The following ADAMTS12 variants were observed in gnomAD, a reference collection of about 807,000 sequenced individuals.
The protein encoded by ADAMTS12 is A disintegrin and metalloproteinase with thrombospondin motifs 12.
ADAMTS12 carries 118 observed loss-of-function variants against 167.8 expected under a neutral mutation model. The observed-to-expected ratio is 0.70, with a 90% CI of 0.61 to 0.82. The LOEUF (loss-of-function observed/expected upper bound fraction) is 0.82. Among genes scored for constraint, ADAMTS12 ranks in the 40% least tolerant of loss-of-function variants. ADAMTS12 has a pLI of 0.00. For synonymous variants in ADAMTS12, 704 were observed against 716.9 expected (o/e 0.98, Z 0.29); for missense variants, 1,916 against 1,998.8 (o/e 0.96, Z 0.79).
intron 22 of ADAMTS12, 134 bp downstream of exon 22, chr5:33,545,925 G>A: frequency 2.9e-6 from 3 of 1,025,636 alleles, no homozygotes; most frequent in Non-Finnish European, 4.1e-6. Flanking sequence ...ATGAGTTGAT[G>A]GGTGCAGCAA....
At chr5:33,557,155 G>A (rs1246831399) in intron 20 of ADAMTS12, among the ~76,000 whole-genome samples, 1 of 152,192 alleles carries the variant, frequency 6.6e-6, no homozygotes, top group Non-Finnish European at 1.5e-5. Flanking sequence ...GGATGCCTCA[G>A]GTATGATACC....
At chr5:33,660,166 C>T (rs1741203933) in intron 6 of ADAMTS12, among the ~76,000 whole-genome samples, 1 of 152,164 alleles carries the variant, frequency 6.6e-6, no homozygotes, top group South Asian at 2.1e-4. Context: ...AGGTTCAACA[C>T]ACTTTTATGC....
At chr5:33,724,681 A>T (rs1217462844) in intron 3 of ADAMTS12, among the ~76,000 whole-genome samples, 1 of 151,530 alleles carries the variant, frequency 6.6e-6, no homozygotes, top group African/African-American at 2.4e-5. Flanking sequence ...CCTCTTGAGT[A>T]GCTGGGATTA....
intron 2 of ADAMTS12, among the ~76,000 whole-genome samples, chr5:33,869,379 G>A (rs151247809): frequency 6.6e-6 from 1 of 152,240 alleles, no homozygotes; most frequent in African/African-American, 2.4e-5. Context: ...ATGCCTGGAT[G>A]TCCAAGCAGA....
At chr5:33,735,369 G>C (rs1413106058) in intron 3 of ADAMTS12, among the ~76,000 whole-genome samples, 4 of 152,132 alleles carry the variant, frequency 2.6e-5, no homozygotes, top group Non-Finnish European at 4.4e-5. Flanking sequence ...TCTAGACCAG[G>C]GATCAGCAAG....
intron 13 of ADAMTS12, among the ~76,000 whole-genome samples, chr5:33,630,428 A>G (rs1739864872): frequency 6.6e-6 from 1 of 152,208 alleles, no homozygotes; most frequent in Non-Finnish European, 1.5e-5. Flanking sequence ...TATGAAAAGT[A>G]CCATAGAAAC....
chr5:33,619,393 T>C (rs1478334436), intron 14 of ADAMTS12, among the ~76,000 whole-genome samples: 1 of 152,194 alleles, frequency 6.6e-6, no homozygotes, highest in Non-Finnish European at 1.5e-5. Flanking sequence ...AAAGTCCTTT[T>C]TAGCATTTTT....
chr5:33,576,884 T>C lies in ADAMTS12; in HGVS notation c.3142A>G (p.Ile1048Val). 1 of 1,614,200 alleles carries C rather than the reference T, an allele frequency of 6.2e-7. No homozygotes were observed. The highest frequency in any genetic ancestry group is 8.5e-7 in the Non-Finnish European group (1 of 1,180,024). Residue 1048 changes from isoleucine (I) to valine (V), a missense_variant, in exon 19 of 24, where the codon ATC becomes GTC. By Grantham distance (29) the Ile-to-Val change is conservative. Transcript: ENST00000504830. ...GCTGTGGTAGGACTAGGGCTGCTGA[T>C]TGCTGGAGTGCTTGTGCTCATAGAC... ...PESMSTSTPA[I>V]SSPSPTTASK...
intron 3 of ADAMTS12, among the ~76,000 whole-genome samples, chr5:33,707,982 A>G (rs1292427667): frequency 3.3e-5 from 5 of 152,204 alleles, no homozygotes; most frequent in African/African-American, 1.2e-4. Context: ...TGCACAGCAA[A>G]ATAAACTATC....
intron 2 of ADAMTS12, among the ~76,000 whole-genome samples, chr5:33,753,547 G>C (rs577269355): frequency 2.8e-4 from 43 of 152,216 alleles, no homozygotes; most frequent in African/African-American, 9.9e-4. Context: ...ATTGGACCTA[G>C]GGGCCCTTAG....
intron 7 of ADAMTS12, among the ~76,000 whole-genome samples, chr5:33,651,319 C>T (rs1579800793): frequency 6.6e-6 from 1 of 152,154 alleles, no homozygotes; most frequent in South Asian, 2.1e-4. Flanking sequence ...GCCATATAAT[C>T]TAGGGCCCTC....
chr5:33,881,311 C>T lies in ADAMTS12; in HGVS notation c.297G>A (p.Glu99=). 3 of 1,614,192 alleles carry T rather than the reference C, an allele frequency of 1.9e-6. No individual in the cohort carries two copies. Among genetic ancestry groups the T allele is most frequent in the Non-Finnish European group, 2.5e-6 (3 of 1,180,030 alleles). ...DWVYYRISHE[E]KDLFFNLTVN... ...CCGTCAAGTTAAAAAACAGGTCCTTCTCCTCGTGAGAAATTCTGTAGTACA... is the reference window on the plus strand; with the variant it reads ...CCGTCAAGTTAAAAAACAGGTCCTTTTCCTCGTGAGAAATTCTGTAGTACA... Residue 99 remains glutamate, a synonymous_variant, in exon 2 of 24, where the codon GAG becomes GAA. Coordinates refer to ENST00000504830, the MANE Select transcript of ADAMTS12 (RefSeq NM_030955.4).
At chr5:33,814,155 G>C (rs1261240515) in intron 2 of ADAMTS12, among the ~76,000 whole-genome samples, 1 of 152,074 alleles carries the variant, frequency 6.6e-6, no homozygotes, top group Non-Finnish European at 1.5e-5. Flanking sequence ...TTTAATGAAG[G>C]AATTGCTCCT....
intron 12 of ADAMTS12, among the ~76,000 whole-genome samples, chr5:33,632,097 G>T (rs549182475): frequency 1.1e-4 from 6 of 55,476 alleles, no homozygotes; most frequent in African/African-American, 1.4e-4. Context: ...TGAGACTGAG[G>T]TCAAAAACAT....
At chr5:33,611,697 A>G (rs1738737702) in intron 16 of ADAMTS12, among the ~76,000 whole-genome samples, 1 of 152,188 alleles carries the variant, frequency 6.6e-6, no homozygotes, top group African/African-American at 2.4e-5. Context: ...GAAGAACAGC[A>G]ATAAGGAATT....
rs548751318 is a variant in ADAMTS12 at position 33,571,051 on chromosome 5, C to T, written c.3972+5003G>A. Among the ~76,000 whole-genome samples, 42 of 152,136 alleles carry T rather than the reference C, an allele frequency of 2.8e-4. No individual in the cohort carries two copies. In the East Asian group the frequency reaches 4.2e-3, roughly 15 times the overall value. On this transcript the variant is annotated intron_variant, in intron 19 of 23. Transcript: ENST00000504830. ...AATTCAACAAGAAGAGCTAACTATCCGAAATATATATGCACCCAATACAGG... is the reference window on the plus strand; with the variant it reads ...AATTCAACAAGAAGAGCTAACTATCTGAAATATATATGCACCCAATACAGG...
chr5:33,872,803 T>A (rs944828856), intron 2 of ADAMTS12, among the ~76,000 whole-genome samples: 1 of 152,088 alleles, frequency 6.6e-6, no homozygotes, highest in Non-Finnish European at 1.5e-5. Flanking sequence ...ATTCAAAAAT[T>A]GATTAATGTA....
chr5:33,575,551 T>C (rs917921181), intron 19 of ADAMTS12, among the ~76,000 whole-genome samples: 4 of 152,232 alleles, frequency 2.6e-5, no homozygotes, highest in East Asian at 1.9e-4. Flanking sequence ...CTTCCCTATA[T>C]ATAAATTTTT....
At chr5:33,726,375 A>ACCACCAAAAC (rs1392067604) in intron 3 of ADAMTS12, among the ~76,000 whole-genome samples, 1 of 152,188 alleles carries the variant, frequency 6.6e-6, no homozygotes, top group Non-Finnish European at 1.5e-5. Flanking sequence ...CAGTCAACTC[A>ACCACCAAAAC]CCACCAAAAC....
Sources: allele counts gnomAD v4.1 joint callset (sites outside exome capture counted in the v4.1 genomes callset), GRCh38; gene constraint gnomAD v4.1.1; transcripts MANE v1.5; gene names NCBI Gene and HGNC (gene_info 2026-07-23, HGNC 2026-07-21).